Variants in CCDC181 observed in about 807,000 individuals in gnomAD.
The protein encoded by CCDC181 is coiled-coil domain containing 181.
In CCDC181, 35 loss-of-function variants were observed where a neutral mutation model predicts 58.7. That is an observed-to-expected ratio of 0.60 (90% CI 0.46 to 0.79). The LOEUF is 0.79. CCDC181 is among the 30% of genes least tolerant of loss of function. CCDC181 has a pLI of 0.00. For synonymous variants in CCDC181, 183 were observed against 197.5 expected, an observed-to-expected ratio of 0.93 and a Z score of 0.62; for missense variants, 517 against 583.9, an observed-to-expected ratio of 0.89 and a Z score of 1.18.
chr1:169,458,922 TTA>T (rs1657755502), intron 2 of CCDC181, among the ~76,000 whole-genome samples: 4 of 152,040 alleles, frequency 2.6e-5, no homozygotes, highest in Non-Finnish European at 4.4e-5. Context: ...AAACGTCCTA[TTA>T]ACTTCTTATA....
intron 2 of CCDC181, among the ~76,000 whole-genome samples, chr1:169,443,780 A>C (rs765336518): frequency 9.2e-5 from 14 of 152,200 alleles, no homozygotes; most frequent in Non-Finnish European, 1.9e-4. Context: ...AAGAATAATC[A>C]TCTTCTGCTC....
At chr1:169,445,223 G>A (rs575404601) in intron 2 of CCDC181, among the ~76,000 whole-genome samples, 4 of 152,158 alleles carry the variant, frequency 2.6e-5, no homozygotes, top group African/African-American at 9.6e-5. Flanking sequence ...CTGATCTTAG[G>A]GGGGACAAAA....
At chr1:169,445,416 T>C (rs968587468) in intron 2 of CCDC181, among the ~76,000 whole-genome samples, 1 of 152,202 alleles carries the variant, frequency 6.6e-6, no homozygotes, top group Non-Finnish European at 1.5e-5. Flanking sequence ...TTTTCTTCTT[T>C]AGCCTGTGGA....
chr1:169,423,714 C>G (rs561908929), intron 2 of CCDC181, among the ~76,000 whole-genome samples: 1 of 151,950 alleles, frequency 6.6e-6, no homozygotes, highest in African/African-American at 2.4e-5. Flanking sequence ...CTAATTCTAT[C>G]GCACTGTGCT....
At chr1:169,447,951 T>C (rs1657422287) in intron 2 of CCDC181, among the ~76,000 whole-genome samples, 3 of 152,328 alleles carry the variant, frequency 2.0e-5, no homozygotes, top group Non-Finnish European at 1.5e-5. Flanking sequence ...TGTCTTGTTT[T>C]TGAACATTTT....
At chr1:169,434,195 GCTAA>G (rs1469078543) in intron 2 of CCDC181, among the ~76,000 whole-genome samples, 5 of 151,916 alleles carry the variant, frequency 3.3e-5, no homozygotes, top group South Asian at 4.1e-4. Context: ...ATGAAAAGAT[GCTAA>G]CTATCACTAA....
chr1:169,397,646 G>C (rs956174576), intron 4 of CCDC181, among the ~76,000 whole-genome samples: 4 of 152,066 alleles, frequency 2.6e-5, no homozygotes, highest in Non-Finnish European at 5.9e-5. Context: ...TGGCCATAAG[G>C]ATTTTCAGTC....
intron 2 of CCDC181, among the ~76,000 whole-genome samples, chr1:169,444,074 C>T (rs993672479): frequency 1.6e-4 from 24 of 152,088 alleles, no homozygotes; most frequent in Admixed American, 3.9e-4. Context: ...TAAATACAGA[C>T]GAAGAGGAAG....
intron 4 of CCDC181, among the ~76,000 whole-genome samples, chr1:169,413,526 C>T (rs774040315): frequency 1.3e-5 from 2 of 152,118 alleles, no homozygotes; most frequent in Non-Finnish European, 2.9e-5. Context: ...GGATTATATA[C>T]CCGAAGGATT....
At chr1:169,422,931 A>T (rs889584504) in intron 2 of CCDC181, among the ~76,000 whole-genome samples, 12 of 151,534 alleles carry the variant, frequency 7.9e-5, no homozygotes, top group African/African-American at 2.4e-4. Flanking sequence ...GCCTTAAATT[A>T]AAAAAAGTTA....
chr1:169,444,806 A>G (rs902153952), intron 2 of CCDC181, among the ~76,000 whole-genome samples: 23 of 152,208 alleles, frequency 1.5e-4, no homozygotes, highest in African/African-American at 5.5e-4. Flanking sequence ...TTAGCAAATA[A>G]TGAGCACATC....
chr1:169,447,177 A>G (rs1378818116), intron 2 of CCDC181, among the ~76,000 whole-genome samples: 2 of 152,096 alleles, frequency 1.3e-5, no homozygotes, highest in African/African-American at 4.8e-5. Flanking sequence ...CAGTGATGCA[A>G]TCTTGGCTCA....
At chr1:169,409,462 C>T (rs941565734) in intron 4 of CCDC181, among the ~76,000 whole-genome samples, 1 of 152,182 alleles carries the variant, frequency 6.6e-6, no homozygotes, top group Non-Finnish European at 1.5e-5. Flanking sequence ...TTGGAAAACA[C>T]TCTTCAGGAT....
chr1:169,427,810 C>G (rs1173658352), upstream of CCDC181, among the ~76,000 whole-genome samples: 1 of 151,950 alleles, frequency 6.6e-6, no homozygotes, highest in Non-Finnish European at 1.5e-5. Context: ...TATTTTTGAC[C>G]CTCAGCTTCT....
Position 169,418,672 on chromosome 1 carries a change from C to T in CCDC181, c.1215+341G>A, listed in dbSNP as rs559690675. The T allele has an allele frequency of 7.4e-5, 19 of 256,934 alleles. No homozygotes were observed. The South Asian group carries it at 1.2e-3, about 16-fold the overall frequency. 15.9% of individuals were successfully genotyped at this position (256,934 alleles called of 1,614,324 possible). A position where few individuals can be genotyped will look rare whatever the true frequency, so the allele number is the denominator to read the frequency against. On this transcript the variant is annotated intron_variant, in intron 4 of 5. Coordinates refer to ENST00000367806, the MANE Select transcript of CCDC181 (RefSeq NM_001300969.2). ...TAAAGATTTACATAATATTTCTATA[C>T]GTCTAGTCTTAAGTGAGACCAGTCT...
chr1:169,423,427 GCTTTTCTTTT>G (rs59033689), intron 2 of CCDC181, among the ~76,000 whole-genome samples: 2 of 150,404 alleles, frequency 1.3e-5, no homozygotes, highest in South Asian at 4.2e-4. Context: ...CTCTCCTTTA[GCTTTTCTTTT>G]CTTTTCTTTT....
rs575280389 is a variant in CCDC181, at chr1:169,411,185, T to TA, written c.1215+7827dup. ...AGAGAGAAGAATCAAATAGACACAA[T>TA]AAAAAAATGATAAAGGGGATATCAC... On this transcript the variant is annotated intron_variant, in intron 4 of 5. Transcript: ENST00000367806. 1.7e-4 allele frequency among the ~76,000 whole-genome samples: 25 copies of TA among 151,356 alleles called. No homozygotes were observed. The South Asian group carries it at 4.4e-3, about 27-fold the overall frequency.
rs1656324569 is a variant in CCDC181 at position 169,418,722 on chromosome 1, G to C, written c.1215+291C>G. 4.8e-6 allele frequency: 2 copies of C among 412,578 alleles called. 1 individual carries two copies. Among genetic ancestry groups the C allele is most frequent in the Non-Finnish European group, 8.5e-6 (2 of 235,022 alleles). The allele number at this position is 412,578 out of a possible 1,614,324, so 25.6% of individuals were successfully genotyped here. Reference sequence around the variant, plus strand: ...TCTAGGGTTTTGTGGGGGGGTGTGTGTGTATCTTTGCCCTGTTTGAATAAC... The same window carrying C: ...TCTAGGGTTTTGTGGGGGGGTGTGTCTGTATCTTTGCCCTGTTTGAATAAC... On this transcript the variant is annotated intron_variant, in intron 4 of 5. Transcript: ENST00000367806.
chr1:169,438,700 C>T (rs182254997), intron 2 of CCDC181, among the ~76,000 whole-genome samples: 2 of 152,258 alleles, frequency 1.3e-5, no homozygotes, highest in Non-Finnish European at 1.5e-5. Context: ...GATGGTAATT[C>T]ACATTGGGAT....
Sources: allele counts gnomAD v4.1 joint callset (sites outside exome capture counted in the v4.1 genomes callset), GRCh38; gene constraint gnomAD v4.1.1; transcripts MANE v1.5; gene names NCBI Gene and HGNC (gene_info 2026-07-23, HGNC 2026-07-21).